The following GALK2 variants were observed in gnomAD, a reference collection of about 807,000 sequenced individuals.
The protein encoded by GALK2 is N-acetylgalactosamine kinase.
A neutral mutation model predicts 52.4 loss-of-function variants in GALK2; 36 were observed. The observed-to-expected ratio is 0.69, with a 90% CI of 0.53 to 0.91. GALK2 has a LOEUF of 0.91. Ranked by LOEUF, GALK2 falls within the 40% of genes least tolerant of loss-of-function variation. The probability of loss-of-function intolerance (pLI) is 0.00; values close to 1 mark genes in which losing one functional copy is unlikely to be tolerated. For missense variants in GALK2, 579 were observed against 559.1 expected (o/e 1.04, Z -0.36); for synonymous variants, 176 against 199.1 (o/e 0.88, Z 0.98).
At chr15:49,294,353 A>G (rs909346509) in intron 8 of GALK2, among the ~76,000 whole-genome samples, 1 of 152,146 alleles carries the variant, frequency 6.6e-6, no homozygotes, top group African/African-American at 2.4e-5. Flanking sequence ...TGTCCAGGGA[A>G]CTACAGATAG....
chr15:49,251,529 T>C (rs892820669), intron 5 of GALK2, among the ~76,000 whole-genome samples: 3 of 152,162 alleles, frequency 2.0e-5, no homozygotes, highest in Non-Finnish European at 4.4e-5. Context: ...TAACATGAGA[T>C]CTACCCTCTT....
chr15:49,329,238 T>A lies in GALK2; in HGVS notation c.*1079T>A. ...AATGGTATTGATGGGTATCTCTGTA[T>A]GTATATCAAGAGTGGGCAGAAATGT... On this transcript the variant is annotated 3_prime_UTR_variant, in exon 10 of 10. Coordinates refer to ENST00000560031, the MANE Select transcript of GALK2 (RefSeq NM_002044.4). The A allele has an allele frequency of 1.0e-6, 1 of 985,766 alleles. No homozygotes were observed. Among genetic ancestry groups the A allele is most frequent in the Non-Finnish European group, 1.2e-6 (1 of 830,188 alleles). The allele number at this position is 985,766 out of a possible 1,614,324, so 61.1% of individuals were successfully genotyped here. A position where few individuals can be genotyped will look rare whatever the true frequency, so the allele number is the denominator to read the frequency against.
intron 3 of GALK2, among the ~76,000 whole-genome samples, chr15:49,230,209 G>C (rs984597869): frequency 6.6e-6 from 1 of 152,092 alleles, no homozygotes; most frequent in Non-Finnish European, 1.5e-5. Flanking sequence ...TTAAGACTTG[G>C]GGGTGTGTGG....
At chr15:49,219,207 C>T (rs1427989469) in intron 3 of GALK2, among the ~76,000 whole-genome samples, 1 of 152,150 alleles carries the variant, frequency 6.6e-6, no homozygotes, top group Non-Finnish European at 1.5e-5. Flanking sequence ...CCCACGTGTC[C>T]TGGGAGGAAC....
At chr15:49,310,460 A>G (rs2035897839) in intron 8 of GALK2, among the ~76,000 whole-genome samples, 1 of 152,214 alleles carries the variant, frequency 6.6e-6, no homozygotes, top group African/African-American at 2.4e-5. Context: ...AGAAACCTCT[A>G]TACTGTTTTC....
intron 1 of GALK2, among the ~76,000 whole-genome samples, chr15:49,180,340 G>A (rs1028667367): frequency 6.6e-6 from 1 of 152,066 alleles, no homozygotes; most frequent in Non-Finnish European, 1.5e-5. Flanking sequence ...CAGCAAAGTG[G>A]GAGTTGTACT....
Position 49,328,737 on chromosome 15 carries a change from T to G in GALK2, c.*578T>G, listed in dbSNP as rs1463716553. 1 of 1,511,566 alleles carries G rather than the reference T, an allele frequency of 6.6e-7. No homozygotes were observed. The highest frequency in any genetic ancestry group is 1.4e-5 in the African/African-American group (1 of 71,764). The allele number at this position is 1,511,566 out of a possible 1,614,324, so 93.6% of individuals were successfully genotyped here. On this transcript the variant is annotated 3_prime_UTR_variant, in exon 10 of 10. Coordinates refer to ENST00000560031, the MANE Select transcript of GALK2 (RefSeq NM_002044.4). Reference sequence around the variant, plus strand: ...TTCTTGGACATTGTATAATTGAATTTGAATGTGAGATTTCTCCAGTTATCA... The same window carrying G: ...TTCTTGGACATTGTATAATTGAATTGGAATGTGAGATTTCTCCAGTTATCA...
Position 49,292,525 on chromosome 15 carries a change from A to G in GALK2, c.955A>G (p.Asn319Asp), listed in dbSNP as rs769133403. The change falls in exon 8 of 10, where the codon AAC (asparagine) becomes GAC (aspartate). Residue 319 changes from asparagine to aspartate, a missense_variant. Transcript: ENST00000560031. ...ACTCCGAACCCAAATCCTGAGTCCA[A>G]ACACTCAAGATGGTGAGTTGGCTGG... ...EELRTQILSP[N>D]TQDVLIFKLY... 10 of 1,613,212 alleles carry G rather than the reference A, an allele frequency of 6.2e-6. No individual in the cohort carries two copies. The highest frequency in any genetic ancestry group is 8.5e-6 in the Non-Finnish European group (10 of 1,179,382).
intron 2 of GALK2, among the ~76,000 whole-genome samples, chr15:49,201,552 A>G (rs1316286840): frequency 1.3e-5 from 2 of 152,174 alleles, no homozygotes; most frequent in Admixed American, 6.5e-5. Flanking sequence ...GACTGTGGTA[A>G]GTAGTTTTGA....
At chr15:49,249,663 CCTGT>C (rs2091504333) in intron 5 of GALK2, among the ~76,000 whole-genome samples, 1 of 152,230 alleles carries the variant, frequency 6.6e-6, no homozygotes, top group Middle Eastern at 3.4e-3. Flanking sequence ...GACTCTCCTC[CCTGT>C]CTAATTAGGA....
chr15:49,158,947 T>G (rs2084548706), intron 1 of GALK2: 1 of 152,196 alleles, frequency 6.6e-6, no homozygotes, highest in African/African-American at 2.4e-5. Flanking sequence ...CATCTCAGCC[T>G]CCTCAGTGGC....
chr15:49,299,756 T>TTTCC, intron 8 of GALK2, among the ~76,000 whole-genome samples: 1 of 137,818 alleles, frequency 7.3e-6, no homozygotes, highest in Non-Finnish European at 1.6e-5. Flanking sequence ...TCTTTCTTTC[T>TTTCC]TTCTTTCTTT....
At chr15:49,249,642 C>G (rs1447776501) in intron 5 of GALK2, among the ~76,000 whole-genome samples, 1 of 152,148 alleles carries the variant, frequency 6.6e-6, no homozygotes, top group East Asian at 1.9e-4. Context: ...GTAGAGGTTC[C>G]TTTTCAAAGA....
chr15:49,221,726 G>A (rs2089809066), intron 3 of GALK2, among the ~76,000 whole-genome samples: 1 of 151,844 alleles, frequency 6.6e-6, no homozygotes, highest in South Asian at 2.1e-4. Context: ...ATACATGGAT[G>A]TATTTCTGGG....
chr15:49,161,271 C>A (rs1595845325), intron 1 of GALK2, among the ~76,000 whole-genome samples: 2 of 152,140 alleles, frequency 1.3e-5, no homozygotes, highest in African/African-American at 4.8e-5. Context: ...TTTATTAAGT[C>A]TAGTCTGGAA....
intron 3 of GALK2, chr15:49,367,473 T>C: frequency 6.3e-7 from 1 of 1,595,552 alleles, no homozygotes. Flanking sequence ...TTAGTGAGTT[T>C]AATCTTGGTT....
At chr15:49,365,136 T>C (rs2044908476) in intron 3 of GALK2, 1 of 725,830 alleles carries the variant, frequency 1.4e-6, no homozygotes, top group African/African-American at 1.8e-5. Flanking sequence ...TGCTGGACAA[T>C]CTGTTCACCA....
At chr15:49,155,806 C>A (rs569927295) in exon 1 of GALK2, 10 of 700,140 alleles carry the variant, frequency 1.4e-5, no homozygotes, top group African/African-American at 1.1e-4. Context: ...CTAAAGCTGG[C>A]AACTGGGACA....
At chr15:49,340,610 A>G in intron 3 of GALK2, among the ~76,000 whole-genome samples, 1 of 152,026 alleles carries the variant, frequency 6.6e-6, no homozygotes, top group Non-Finnish European at 1.5e-5. Flanking sequence ...TAATGGGGCT[A>G]TTTATTATTT....
Sources: gnomAD v4.1 joint callset for allele counts (sites outside exome capture counted in the v4.1 genomes callset) on GRCh38, gnomAD v4.1.1 for gene constraint, MANE v1.5 for transcripts, NCBI Gene and HGNC (gene_info 2026-07-23, HGNC 2026-07-21) for gene names.